Variants in GSG1L observed in about 807,000 individuals in gnomAD.
GSG1L encodes the protein GSG1 like.
In GSG1L, 24 loss-of-function variants were observed where a neutral mutation model predicts 42.1. The observed-to-expected ratio is 0.57, with a 90% CI of 0.41 to 0.80. The LOEUF is 0.80. Among genes scored for constraint, GSG1L ranks in the 30% least tolerant of loss-of-function variants. The pLI, the probability that GSG1L is intolerant of heterozygous loss-of-function variation, is 0.00. For synonymous variants in GSG1L, 215 were observed against 203.5 expected (o/e 1.06, Z -0.48); for missense variants, 445 against 472.2 (o/e 0.94, Z 0.53).
At chr16:27,822,715 G>A (rs1012998475) in intron 5 of GSG1L, among the ~76,000 whole-genome samples, 2 of 152,180 alleles carry the variant, frequency 1.3e-5, no homozygotes, top group Non-Finnish European at 2.9e-5. Flanking sequence ...ACCGAGCCTG[G>A]CCTAATATTG....
intron 5 of GSG1L, among the ~76,000 whole-genome samples, chr16:27,812,481 T>C (rs190504971): frequency 3.9e-5 from 6 of 152,316 alleles, no homozygotes; most frequent in Admixed American, 3.9e-4. Context: ...ATAGACGAGA[T>C]GGAAACAAAT....
intron 2 of GSG1L, among the ~76,000 whole-genome samples, chr16:27,891,748 C>A (rs2084128937): frequency 6.6e-6 from 1 of 152,138 alleles, no homozygotes; most frequent in Admixed American, 6.6e-5. Flanking sequence ...ACTGGAATTA[C>A]AAGCGTGAGC....
intron 2 of GSG1L, among the ~76,000 whole-genome samples, chr16:27,938,554 A>G (rs1234339312): frequency 6.6e-6 from 1 of 152,208 alleles, no homozygotes; most frequent in Non-Finnish European, 1.5e-5. Context: ...AGATTTCCAA[A>G]AGCTGTCCAG....
rs1267359429 is a variant in GSG1L at position 28,063,025 on chromosome 16, G to A, written c.349+51C>T. The A allele has an allele frequency of 7.5e-7, 1 of 1,333,916 alleles. No individual in the cohort carries two copies. The highest frequency in any genetic ancestry group is 1.7e-5 in the South Asian group (1 of 58,664). 82.6% of individuals were successfully genotyped at this position (1,333,916 alleles called of 1,614,324 possible). A position where few individuals can be genotyped will look rare whatever the true frequency, so the allele number is the denominator to read the frequency against. ...CCGGGGCTCGGGCCTCGATGGCCGC[G>A]CCGCCCCGGGGGAGCCGGAGCCGAG... On this transcript the variant is annotated intron_variant, in intron 1 of 6. Coordinates refer to ENST00000447459, the MANE Select transcript of GSG1L (RefSeq NM_001109763.2). The surrounding 1 kb of genome is among the most constrained non-coding windows in gnomAD (Gnocchi z 5.8).
chr16:27,830,726 T>C (rs1197164736), intron 4 of GSG1L, among the ~76,000 whole-genome samples: 2 of 152,210 alleles, frequency 1.3e-5, no homozygotes, highest in African/African-American at 4.8e-5. Context: ...TGAAAGCTGG[T>C]CCAATCAGAT....
chr16:27,846,839 C>G (rs546118638), intron 3 of GSG1L, among the ~76,000 whole-genome samples: 23 of 152,000 alleles, frequency 1.5e-4, no homozygotes, highest in African/African-American at 5.5e-4. Flanking sequence ...CACCTGTAGT[C>G]CCAGCTACTC....
chr16:27,794,419 T>C (rs1278897444), intron 6 of GSG1L, among the ~76,000 whole-genome samples: 1 of 151,786 alleles, frequency 6.6e-6, no homozygotes, highest in African/African-American at 2.4e-5. Context: ...CCAGCTCCGC[T>C]TCCCGGGTTC....
intron 3 of GSG1L, among the ~76,000 whole-genome samples, chr16:27,877,280 T>C (rs1370917305): frequency 6.6e-6 from 1 of 152,110 alleles, no homozygotes; most frequent in Non-Finnish European, 1.5e-5. Flanking sequence ...AAGGCCGTGG[T>C]CTAGTTCAGG....
intron 2 of GSG1L, among the ~76,000 whole-genome samples, chr16:27,918,459 A>T (rs1265470479): frequency 6.6e-6 from 1 of 152,102 alleles, no homozygotes; most frequent in Non-Finnish European, 1.5e-5. Flanking sequence ...GGAGCTCAAG[A>T]CTAGCCTGGC....
At chr16:27,885,553 A>G (rs570346151) in intron 2 of GSG1L, among the ~76,000 whole-genome samples, 1 of 151,756 alleles carries the variant, frequency 6.6e-6, no homozygotes, top group African/African-American at 2.4e-5. Flanking sequence ...TTTTTCTAGA[A>G]CCCATCATTG....
intron 3 of GSG1L, among the ~76,000 whole-genome samples, chr16:27,863,993 T>C (rs547123662): frequency 6.6e-6 from 1 of 152,232 alleles, no homozygotes; most frequent in Non-Finnish European, 1.5e-5. Context: ...GGTGCTCATA[T>C]GATGAGGTCA....
intron 2 of GSG1L, among the ~76,000 whole-genome samples, chr16:27,938,947 G>A (rs540892086): frequency 6.6e-6 from 1 of 152,118 alleles, no homozygotes; most frequent in African/African-American, 2.4e-5. Flanking sequence ...AACAAACATG[G>A]ACTGTGGCAT....
intron 1 of GSG1L, among the ~76,000 whole-genome samples, chr16:28,034,992 A>G (rs1901011940): frequency 6.6e-6 from 1 of 152,014 alleles, no homozygotes; most frequent in African/African-American, 2.4e-5. Context: ...CACCCCATGT[A>G]CTCACTAATT....
chr16:27,985,421 A>G (rs2085370754), intron 1 of GSG1L, among the ~76,000 whole-genome samples: 1 of 152,138 alleles, frequency 6.6e-6, no homozygotes, highest in African/African-American at 2.4e-5. Context: ...CATGGGACAC[A>G]CTGCCTTCCC....
intron 2 of GSG1L, among the ~76,000 whole-genome samples, chr16:27,956,988 A>G (rs1339785985): frequency 6.6e-6 from 1 of 152,196 alleles, no homozygotes; most frequent in Non-Finnish European, 1.5e-5. Context: ...GTTTTGAGAG[A>G]CAAAGGAACC....
At chr16:27,810,759 C>A (rs1392940742) in intron 5 of GSG1L, among the ~76,000 whole-genome samples, 1 of 151,906 alleles carries the variant, frequency 6.6e-6, no homozygotes, top group Non-Finnish European at 1.5e-5. Flanking sequence ...GCGATCTCAG[C>A]TCACCACAAC....
intron 1 of GSG1L, among the ~76,000 whole-genome samples, chr16:28,011,306 T>G (rs2085714343): frequency 6.6e-6 from 1 of 152,232 alleles, no homozygotes; most frequent in South Asian, 2.1e-4. Context: ...CCCAGCCGCC[T>G]GCAGGGCATC....
chr16:28,025,760 G>A (rs1035052805), intron 1 of GSG1L, among the ~76,000 whole-genome samples: 7 of 152,370 alleles, frequency 4.6e-5, no homozygotes, highest in Middle Eastern at 3.4e-3. Context: ...GACTGGCAAG[G>A]TCTGAAGTCA....
intron 1 of GSG1L, among the ~76,000 whole-genome samples, chr16:28,022,881 A>G (rs1221943793): frequency 1.3e-5 from 2 of 152,028 alleles, no homozygotes; most frequent in East Asian, 1.9e-4. Flanking sequence ...TATATTGGCC[A>G]GGCTGGTCTT....
Sources: allele counts gnomAD v4.1 joint callset (sites outside exome capture counted in the v4.1 genomes callset), GRCh38; gene constraint gnomAD v4.1.1; non-coding constraint Gnocchi (gnomAD v3.1); transcripts MANE v1.5; gene names NCBI Gene and HGNC (gene_info 2026-07-23, HGNC 2026-07-21).